The following LOC128125817 variants were observed in gnomAD, a reference collection of about 807,000 sequenced individuals.
At chr1:41,625,609 C>T in the LOC128125817 span, among the ~76,000 whole-genome samples, 1 of 152,158 alleles carries the variant, frequency 6.6e-6, no homozygotes, top group Non-Finnish European at 1.5e-5. Context: ...GTGGTCCATG[C>T]CTGTACTCCT....
At chr1:41,623,437 G>A in the LOC128125817 span, among the ~76,000 whole-genome samples, 3 of 152,328 alleles carry the variant, frequency 2.0e-5, no homozygotes, top group African/African-American at 7.2e-5. Context: ...ACAGGGCTAT[G>A]TAAATAAGAA....
At chr1:41,597,275 C>G in the LOC128125817 span, among the ~76,000 whole-genome samples, 1 of 152,190 alleles carries the variant, frequency 6.6e-6, no homozygotes, top group Non-Finnish European at 1.5e-5. Flanking sequence ...TCTCCTGTGA[C>G]ATCCCCATAG....
At chr1:41,605,109 A>G in the LOC128125817 span, among the ~76,000 whole-genome samples, 67 of 37,440 alleles carry the variant, frequency 1.8e-3, no homozygotes, top group African/African-American at 4.0e-3. Context: ...TGTCTCCAAT[A>G]AAAAAAAAAA....
At chr1:41,591,136 T>A in the LOC128125817 span, among the ~76,000 whole-genome samples, 16 of 152,292 alleles carry the variant, frequency 1.1e-4, no homozygotes, top group East Asian at 2.3e-3. Context: ...TGTGGAAAGA[T>A]CTCTAGACTA....
At chr1:41,586,762 T>C in the LOC128125817 span, among the ~76,000 whole-genome samples, 1 of 152,218 alleles carries the variant, frequency 6.6e-6, no homozygotes, top group Non-Finnish European at 1.5e-5. Context: ...TGATTTGATC[T>C]TTTAGCTAAA....
chr1:41,625,622 C>T, the LOC128125817 span, among the ~76,000 whole-genome samples: 8 of 152,282 alleles, frequency 5.3e-5, no homozygotes, highest in Admixed American at 3.3e-4. Context: ...GTACTCCTAG[C>T]TACTCAGGAA....
chr1:41,623,195 G>A, the LOC128125817 span, among the ~76,000 whole-genome samples: 6 of 152,174 alleles, frequency 3.9e-5, no homozygotes, highest in Admixed American at 2.0e-4. Flanking sequence ...TACCCCAGCC[G>A]AGTCAGGCAG....
At chr1:41,593,492 T>G in the LOC128125817 span, among the ~76,000 whole-genome samples, 1 of 152,224 alleles carries the variant, frequency 6.6e-6, no homozygotes, top group Non-Finnish European at 1.5e-5. Flanking sequence ...GAATATCTTC[T>G]GCATACTTGT....
chr1:41,622,811 C>T, the LOC128125817 span, among the ~76,000 whole-genome samples: 1 of 152,162 alleles, frequency 6.6e-6, no homozygotes, highest in African/African-American at 2.4e-5. Context: ...GAGGCTGGTA[C>T]AGTTTTCCAG....
At chr1:41,611,807 C>T in the LOC128125817 span, among the ~76,000 whole-genome samples, 1 of 152,210 alleles carries the variant, frequency 6.6e-6, no homozygotes. Flanking sequence ...ATATGGTATT[C>T]ACTAGAGTTG....
At chr1:41,611,467 C>T in the LOC128125817 span, among the ~76,000 whole-genome samples, 1 of 152,224 alleles carries the variant, frequency 6.6e-6, no homozygotes, top group Admixed American at 6.5e-5. Flanking sequence ...GTCCTCAGAA[C>T]GAGCCTATCA....
the LOC128125817 span, among the ~76,000 whole-genome samples, chr1:41,585,740 C>T: frequency 3.3e-5 from 5 of 152,124 alleles, no homozygotes; most frequent in African/African-American, 9.7e-5. Context: ...AATCCTGCCT[C>T]GACTGTGCCT....
chr1:41,610,932 A>G, the LOC128125817 span, among the ~76,000 whole-genome samples: 3 of 152,310 alleles, frequency 2.0e-5, no homozygotes, highest in South Asian at 2.1e-4. Flanking sequence ...CTCCCTGAAC[A>G]AGACGATGTT....
the LOC128125817 span, among the ~76,000 whole-genome samples, chr1:41,590,778 T>G: frequency 6.6e-6 from 1 of 152,032 alleles, no homozygotes; most frequent in Admixed American, 6.5e-5. Flanking sequence ...AGGGTTTAGT[T>G]CTAAAGCACA....
chr1:41,611,902 A>G, the LOC128125817 span, among the ~76,000 whole-genome samples: 1 of 152,158 alleles, frequency 6.6e-6, no homozygotes, highest in Non-Finnish European at 1.5e-5. Context: ...GGCTCACCCC[A>G]GAGCACCTGA....
the LOC128125817 span, among the ~76,000 whole-genome samples, chr1:41,589,470 G>A: frequency 1.8e-3 from 278 of 152,322 alleles, no homozygotes; most frequent in Non-Finnish European, 3.3e-3. Flanking sequence ...GGAGGAGCCC[G>A]GGGCCAAGGC....
At chr1:41,605,374 C>CGT in the LOC128125817 span, among the ~76,000 whole-genome samples, 7 of 85,718 alleles carry the variant, frequency 8.2e-5, no homozygotes, top group East Asian at 1.1e-3. Context: ...CACGCACACG[C>CGT]GCACACACAC....
At chr1:41,608,030 T>C in the LOC128125817 span, among the ~76,000 whole-genome samples, 1 of 152,182 alleles carries the variant, frequency 6.6e-6, no homozygotes, top group Admixed American at 6.5e-5. Context: ...TGAGGCAGTG[T>C]AGTGTTTAGC....
At chr1:41,621,764 T>C in the LOC128125817 span, among the ~76,000 whole-genome samples, 3 of 152,324 alleles carry the variant, frequency 2.0e-5, no homozygotes, top group East Asian at 3.9e-4. Flanking sequence ...GTGATCCTCC[T>C]GCCTCAGCCT....
Sources: allele counts gnomAD v4.1 joint callset (sites outside exome capture counted in the v4.1 genomes callset), GRCh38; gene constraint gnomAD v4.1.1; transcripts MANE v1.5.